Variants in DNAH8 observed in about 807,000 individuals in gnomAD.
DNAH8 encodes axonemal beta dynein heavy chain 8.
A neutral mutation model predicts 562.1 loss-of-function variants in DNAH8; 382 were observed. That is an observed-to-expected ratio of 0.68 (90% CI 0.63 to 0.74). DNAH8 has a LOEUF of 0.74. Ranked by LOEUF, DNAH8 falls within the 30% of genes least tolerant of loss-of-function variation. The pLI is 0.00. For missense variants in DNAH8, 5,203 were observed against 5,620.4 expected (o/e 0.93, Z 2.37); for synonymous variants, 1,881 against 1,919.4 (o/e 0.98, Z 0.52).
At chr6:38,818,631 G>A (rs1482915871) in intron 26 of DNAH8, among the ~76,000 whole-genome samples, 1 of 151,554 alleles carries the variant, frequency 6.6e-6, no homozygotes, top group African/African-American at 2.4e-5. Flanking sequence ...GTTGAAGGGT[G>A]ATTGTGCAGT....
chr6:38,991,139 C>T (rs377650083), intron 88 of DNAH8, among the ~76,000 whole-genome samples: 11 of 152,322 alleles, frequency 7.2e-5, no homozygotes, highest in East Asian at 5.8e-4. Flanking sequence ...ATTTCCTTGT[C>T]TTCCCGCCTC....
At position 38,838,010 on chromosome 6, in the gene DNAH8, T is replaced by C. The variant is rs752641227; in HGVS notation, c.4434T>C (p.Pro1478=). ...YSSGEQLFGL[P]VTDYEVLHKT... ...CTGGTGAACAACTTTTTGGATTGCC[T>C]GTGACTGATTATGAGGTTTTACACA... Residue 1478 remains proline, a synonymous_variant, in exon 33 of 93, where the codon CCT becomes CCC. Transcript: ENST00000327475. The C allele has an allele frequency of 5.0e-6, 8 of 1,612,394 alleles. No homozygotes were observed. Among genetic ancestry groups the C allele is most frequent in the Non-Finnish European group, 8.5e-7 (1 of 1,179,278 alleles).
At chr6:38,880,234 G>GAGA (rs1379338342) in intron 53 of DNAH8, among the ~76,000 whole-genome samples, 22 of 152,116 alleles carry the variant, frequency 1.4e-4, no homozygotes, top group Non-Finnish European at 3.2e-4. Context: ...GAGACAGAGT[G>GAGA]AGACTCTGTC....
At chr6:38,908,303 A>G (rs1036920328) in intron 64 of DNAH8, among the ~76,000 whole-genome samples, 183 bp downstream of exon 64, 1 of 152,174 alleles carries the variant, frequency 6.6e-6, no homozygotes, top group Non-Finnish European at 1.5e-5. Flanking sequence ...AATTTAAAAT[A>G]TTCATATTAT....
At chr6:38,942,715 G>A (rs576850479) in intron 79 of DNAH8, among the ~76,000 whole-genome samples, 6 of 152,328 alleles carry the variant, frequency 3.9e-5, no homozygotes, top group South Asian at 2.1e-4. Context: ...AGCATTTGTC[G>A]TAGCTCATAG....
chr6:38,750,129 G>A (rs1393066028), intron 8 of DNAH8, among the ~76,000 whole-genome samples: 2 of 152,220 alleles, frequency 1.3e-5, no homozygotes, highest in African/African-American at 4.8e-5. Context: ...ACCACGCCCT[G>A]CCATAATGTT....
chr6:38,914,061 C>G, intron 67 of DNAH8, 109 bp downstream of exon 67: 1 of 766,466 alleles, frequency 1.3e-6, no homozygotes. Context: ...ATGGACAATT[C>G]CTGATAAGAT....
Position 38,974,429 on chromosome 6 carries a change from G to A in DNAH8, c.12734G>A (p.Arg4245Lys), listed in dbSNP as rs142117309. 2 of 1,614,002 alleles carry A rather than the reference G, an allele frequency of 1.2e-6. No homozygotes were observed. Among genetic ancestry groups the A allele is most frequent in the Non-Finnish European group, 1.7e-6 (2 of 1,179,872 alleles). ...PPQGVRAGLK[R>K]TFAGINQDLL... Reference sequence around the variant, plus strand: ...CAAGGTGTACGCGCAGGTTTGAAAAGAACATTTGCTGGAATTAATCAAGAC... The same window carrying A: ...CAAGGTGTACGCGCAGGTTTGAAAAAAACATTTGCTGGAATTAATCAAGAC... Residue 4245 changes from arginine to lysine, a missense_variant, in exon 85 of 93, where the codon AGA (arginine) becomes AAA (lysine). Transcript: ENST00000327475.
chr6:38,843,021 C>T, intron 35 of DNAH8, 118 bp downstream of exon 35: 1 of 1,009,276 alleles, frequency 9.9e-7, no homozygotes, highest in South Asian at 1.8e-5. Flanking sequence ...ATAATGCACC[C>T]TCAAAATTTG....
In DNAH8 at chr6:38,721,777, C is replaced by T. The variant is rs77004414; in HGVS notation, c.-34-999C>T. 8.3e-3 allele frequency among the ~76,000 whole-genome samples: 1,265 copies of T among 152,288 alleles called. 19 individuals are homozygous for T. Among genetic ancestry groups the T allele is most frequent in the African/African-American group, 0.029 (1,189 of 41,552 alleles). On this transcript the variant is annotated intron_variant, in intron 1 of 92. Transcript: ENST00000327475. ...GCAGTTGTGGGGCATAGGTGACAGGCTGGCTCTGTGTAGTATCTACTGTTG... is the reference window on the plus strand; with the variant it reads ...GCAGTTGTGGGGCATAGGTGACAGGTTGGCTCTGTGTAGTATCTACTGTTG...
intron 88 of DNAH8, among the ~76,000 whole-genome samples, chr6:39,006,801 G>A (rs1765825391): frequency 6.6e-6 from 1 of 152,194 alleles, no homozygotes; most frequent in African/African-American, 2.4e-5. Flanking sequence ...GCTAAGCTAG[G>A]TAGAACAAGT....
At chr6:38,895,313 G>C (rs1779604651) in intron 59 of DNAH8, among the ~76,000 whole-genome samples, 2 of 152,094 alleles carry the variant, frequency 1.3e-5, no homozygotes, top group South Asian at 4.2e-4. Flanking sequence ...GGCTTGTGAA[G>C]CATTGATGGC....
intron 75 of DNAH8, 93 bp from the exon 76 acceptor site, chr6:38,931,718 C>T (rs1782563350): frequency 2.7e-6 from 2 of 728,896 alleles, no homozygotes; most frequent in African/African-American, 1.8e-5. Context: ...TGAAGCGTCA[C>T]AGCACTGACA....
intron 88 of DNAH8, among the ~76,000 whole-genome samples, chr6:38,991,995 C>T (rs896404768): frequency 6.6e-5 from 10 of 151,476 alleles, no homozygotes; most frequent in Admixed American, 3.3e-4. Flanking sequence ...CACGGAATTT[C>T]GCTCTTGTTG....
At chr6:38,944,354 A>G (rs79066386) in intron 79 of DNAH8, among the ~76,000 whole-genome samples, 254 of 152,330 alleles carry the variant, frequency 1.7e-3, no homozygotes, top group African/African-American at 4.8e-3. Flanking sequence ...ACATGAAAAA[A>G]GTACTTTCGT....
At chr6:38,736,908 T>C (rs1764140028) in intron 5 of DNAH8, among the ~76,000 whole-genome samples, 159 bp from the exon 6 acceptor site, 1 of 152,202 alleles carries the variant, frequency 6.6e-6, no homozygotes, top group Non-Finnish European at 1.5e-5. Flanking sequence ...ATAAGTTTGT[T>C]GACTTTAGAA....
At position 38,850,017 on chromosome 6, in the gene DNAH8, CAAAT is replaced by C. The variant is rs376238020; in HGVS notation, c.5200-231_5200-228del. On this transcript the variant is annotated intron_variant, in intron 37 of 92. Transcript: ENST00000327475. ...GAAAAACATGTTAAATGCAATGAAA[CAAAT>C]AAGCAATAAGCCTCATTGTGATAAA... 1.6e-3 allele frequency among the ~76,000 whole-genome samples: 250 copies of C among 152,088 alleles called. 1 individual carries two copies. The highest frequency in any genetic ancestry group is 0.012 in the Admixed American group (180 of 15,266).
rs1465720055 is a variant in DNAH8 at position 38,860,478 on chromosome 6, C to T, written c.5980C>T (p.Pro1994Ser). ...TAAGGTAAAAATGCATATCAAATCA[C>T]CTACTGACTTTGAATGGCTAAAACA... ...DDLVKMHIKS[P>S]TDFEWLKQSR... The change falls in exon 43 of 93, where the codon CCT (proline) becomes TCT (serine). Residue 1994 changes from proline (P) to serine (S), a missense_variant. By Grantham distance (74) the Pro-to-Ser change is moderately conservative. Transcript: ENST00000327475. The T allele has an allele frequency of 6.9e-7, 1 of 1,446,316 alleles. No homozygotes were observed. The highest frequency in any genetic ancestry group is 9.1e-7 in the Non-Finnish European group (1 of 1,095,708). 89.6% of individuals were successfully genotyped at this position (1,446,316 alleles called of 1,614,324 possible). A position where few individuals can be genotyped will look rare whatever the true frequency, so the allele number is the denominator to read the frequency against.
chr6:38,887,086 GCT>G, intron 57 of DNAH8, 82 bp downstream of exon 57: 2 of 1,033,158 alleles, frequency 1.9e-6, no homozygotes, highest in South Asian at 2.9e-5. Context: ...AGACAAAAAG[GCT>G]CTGTCTAAAG....
Sources: allele counts gnomAD v4.1 joint callset (sites outside exome capture counted in the v4.1 genomes callset), GRCh38; gene constraint gnomAD v4.1.1; transcripts MANE v1.5; gene names NCBI Gene and HGNC (gene_info 2026-07-23, HGNC 2026-07-21).